The following STK32B variants were observed in gnomAD, a reference collection of about 807,000 sequenced individuals.
STK32B encodes serine/threonine kinase 32B.
In STK32B, 43 loss-of-function variants were observed where a neutral mutation model predicts 52.6. The ratio of observed to expected loss-of-function variants is 0.82; its 90% CI spans 0.64 to 1.05. The LOEUF is 1.05. STK32B is among the 50% of genes least tolerant of loss of function. STK32B has a pLI of 0.00. For missense variants in STK32B, 621 were observed against 534.6 expected (o/e 1.16, Z -1.59); for synonymous variants, 238 against 204.3 (o/e 1.17, Z -1.41).
chr4:5,293,422 C>T (rs909290869), intron 3 of STK32B, among the ~76,000 whole-genome samples: 3 of 152,108 alleles, frequency 2.0e-5, no homozygotes, highest in African/African-American at 7.2e-5. Flanking sequence ...TAAAAGCGTT[C>T]CTATTTCTCC....
At chr4:5,288,172 T>G (rs914385108) in intron 3 of STK32B, among the ~76,000 whole-genome samples, 1 of 152,214 alleles carries the variant, frequency 6.6e-6, no homozygotes, top group African/African-American at 2.4e-5. Flanking sequence ...TTCAATTGTT[T>G]CCCTATTTTG....
intron 3 of STK32B, among the ~76,000 whole-genome samples, chr4:5,289,349 G>GTGAA (rs1175701969): frequency 6.6e-6 from 1 of 152,216 alleles, no homozygotes; most frequent in African/African-American, 2.4e-5. Flanking sequence ...CAGTGAGTGA[G>GTGAA]TGGTGAGTGA....
In STK32B at chr4:5,095,287, T is replaced by C. The variant is rs566248096; in HGVS notation, c.52+43372T>C. Among the ~76,000 whole-genome samples the C allele has an allele frequency of 3.9e-5, 6 of 152,162 alleles. No homozygotes were observed. In the East Asian group the frequency reaches 9.7e-4, roughly 25 times the overall value. ...TAATGGTAAGCTTAAGGTGATATGG[T>C]TTTAAGCGTATTAATATAAATTACC... is the stretch of plus-strand genomic sequence containing the variant. On this transcript the variant is annotated intron_variant, in intron 1 of 11. Coordinates refer to ENST00000282908, the MANE Select transcript of STK32B (RefSeq NM_018401.3).
chr4:5,466,593 G>A (rs1717451536), intron 9 of STK32B, 110 bp from the exon 10 acceptor site: 4 of 1,379,928 alleles, frequency 2.9e-6, no homozygotes, highest in Non-Finnish European at 3.9e-6. Flanking sequence ...TCCAACAAGA[G>A]TAAGTTCATC....
intron 7 of STK32B, chr4:5,447,438 G>A (rs1195486415): frequency 6.6e-6 from 1 of 151,836 alleles, no homozygotes; most frequent in Non-Finnish European, 1.5e-5. Flanking sequence ...GACCAGCCTG[G>A]GAAACATAGG....
At chr4:5,125,290 A>G (rs920509954) in intron 1 of STK32B, among the ~76,000 whole-genome samples, 1 of 152,212 alleles carries the variant, frequency 6.6e-6, no homozygotes, top group Non-Finnish European at 1.5e-5. Context: ...GAGTTAGTAA[A>G]TGCGTGTTGC....
Position 5,378,442 on chromosome 4 carries a change from T to A in STK32B, c.435-19765T>A, listed in dbSNP as rs1735718538. ...TATTTTATTTTTTTCCTTTATGACG[T>A]GAGTTAAATCATTTACAATTATCAT... On this transcript the variant is annotated intron_variant, in intron 4 of 11. Coordinates refer to ENST00000282908, the MANE Select transcript of STK32B (RefSeq NM_018401.3). The surrounding 1 kb of genome is among the most constrained non-coding windows in gnomAD (Gnocchi z 4.4). 6.6e-6 allele frequency among the ~76,000 whole-genome samples: 1 copy of A among 152,222 alleles called. No individual in the cohort carries two copies. The highest frequency in any genetic ancestry group is 2.4e-5 in the African/African-American group (1 of 41,456).
intron 3 of STK32B, among the ~76,000 whole-genome samples, chr4:5,238,737 T>A (rs4688924): frequency 0.24 from 35,807 of 152,116 alleles, 7,204 homozygotes; most frequent in African/African-American, 0.53. Context: ...GTAATAAATT[T>A]TTCATTCATT....
chr4:5,172,443 G>T (rs1182335581), intron 3 of STK32B, among the ~76,000 whole-genome samples: 2 of 151,996 alleles, frequency 1.3e-5, no homozygotes, highest in Non-Finnish European at 1.5e-5. Flanking sequence ...TTGGCTGTGG[G>T]TTTGTCATAG....
At chr4:5,206,207 C>T (rs994907282) in intron 3 of STK32B, among the ~76,000 whole-genome samples, 1 of 152,146 alleles carries the variant, frequency 6.6e-6, no homozygotes, top group Non-Finnish European at 1.5e-5. Flanking sequence ...ACAAATAACC[C>T]TTAGAAGCTA....
rs374740139 is a variant in STK32B, at chr4:5,080,574, C to T, written c.52+28659C>T. Among the ~76,000 whole-genome samples, 12 of 152,190 alleles carry T rather than the reference C, an allele frequency of 7.9e-5. No homozygotes were observed. The East Asian group carries it at 2.3e-3, about 29-fold the overall frequency. On this transcript the variant is annotated intron_variant, in intron 1 of 11. Transcript: ENST00000282908. Reference sequence around the variant, plus strand: ...TTGCACCTAGCTAATATATGCTTTTCTTATTTATCTTAATTGTCATTTACA... The same window carrying T: ...TTGCACCTAGCTAATATATGCTTTTTTTATTTATCTTAATTGTCATTTACA...
intron 3 of STK32B, among the ~76,000 whole-genome samples, chr4:5,212,788 G>A (rs191923228): frequency 6.6e-6 from 1 of 152,192 alleles, no homozygotes; most frequent in Non-Finnish European, 1.5e-5. Context: ...GCTGCTGGCT[G>A]TAAGTATAAA....
chr4:5,251,891 A>G (rs1725959117), intron 3 of STK32B, among the ~76,000 whole-genome samples: 2 of 152,178 alleles, frequency 1.3e-5, no homozygotes. Context: ...TAATTTCTTC[A>G]TCTTGAATGA....
At chr4:5,056,866 G>A (rs1010598465) in intron 1 of STK32B, among the ~76,000 whole-genome samples, 3 of 152,210 alleles carry the variant, frequency 2.0e-5, no homozygotes, top group African/African-American at 7.2e-5. Flanking sequence ...GGATATTGGA[G>A]TATCAACGGA....
rs181005108 is a variant in STK32B, at chr4:5,065,785, G to A, written c.52+13870G>A. Among the ~76,000 whole-genome samples, 511 of 152,220 alleles carry A rather than the reference G, an allele frequency of 3.4e-3. 6 individuals are homozygous for A. The highest frequency in any genetic ancestry group is 0.012 in the African/African-American group (479 of 41,552). ...GTTGCCCAGGCTGGAGAGCAGTAGCGTGATCTTGGCTCACTGCAACCTCTG... is the reference window on the plus strand; with the variant it reads ...GTTGCCCAGGCTGGAGAGCAGTAGCATGATCTTGGCTCACTGCAACCTCTG... On this transcript the variant is annotated intron_variant, in intron 1 of 11. Transcript: ENST00000282908.
At chr4:5,190,767 G>T (rs113042148) in intron 3 of STK32B, among the ~76,000 whole-genome samples, 1 of 152,104 alleles carries the variant, frequency 6.6e-6, no homozygotes, top group Non-Finnish European at 1.5e-5. Context: ...ACATCGGGGC[G>T]GCTGTCTGAA....
the STK32B span, among the ~76,000 whole-genome samples, chr4:5,032,404 C>T: frequency 3.1e-5 from 4 of 129,614 alleles, no homozygotes; most frequent in South Asian, 5.4e-4. Flanking sequence ...ACCCGGGAGG[C>T]GGAGGTTGCA....
intron 4 of STK32B, among the ~76,000 whole-genome samples, chr4:5,373,288 C>G (rs1457598659): frequency 2.6e-5 from 4 of 152,136 alleles, no homozygotes; most frequent in African/African-American, 9.7e-5. Flanking sequence ...TGGAGACTGG[C>G]AAGTCCCAAG....
chr4:5,156,387 G>T (rs1455504482), intron 2 of STK32B, among the ~76,000 whole-genome samples: 1 of 152,102 alleles, frequency 6.6e-6, no homozygotes, highest in Admixed American at 6.5e-5. Context: ...GGGTTAGCAC[G>T]CAGAGGTGAG....
Sources: gnomAD v4.1 joint callset for allele counts (sites outside exome capture counted in the v4.1 genomes callset) on GRCh38, gnomAD v4.1.1 for gene constraint, Gnocchi (gnomAD v3.1) non-coding constraint, MANE v1.5 for transcripts, NCBI Gene and HGNC (gene_info 2026-07-23, HGNC 2026-07-21) for gene names.